The following CARD18 variants were observed in gnomAD, a reference collection of about 807,000 sequenced individuals.
The protein encoded by CARD18 is caspase recruitment domain family member 18.
Under a neutral mutation model 7.9 loss-of-function variants are expected in CARD18, and 7 were observed. The observed-to-expected ratio is 0.88, with a 90% CI of 0.50 to 1.66. The LOEUF (loss-of-function observed/expected upper bound fraction) is 1.66, where lower values mean the gene tolerates loss of function less well. CARD18 is among the 40% of genes most tolerant of loss of function. The probability of loss-of-function intolerance (pLI) is 0.00; values close to 1 mark genes in which losing one functional copy is unlikely to be tolerated. For missense variants in CARD18, 134 were observed against 105.5 expected (o/e 1.27, Z -1.18); for synonymous variants, 34 against 34.8 (o/e 0.98, Z 0.08).
rs1356237915 is a variant in CARD18 at position 105,139,073 on chromosome 11, G to T, written c.13C>A (p.Leu5Ile). MADQ[L>I]LRKKRRIFIH... is the part of the protein sequence containing the mutation. ...AAAATTCTTCTCTTTTTACGCAAGA[G>T]TTGGTCTGTTGGAAGCACAAAGATT... Residue 5 changes from leucine (L) to isoleucine (I), a missense_variant, in exon 2 of 3, where the codon CTC (leucine) becomes ATC (isoleucine). By Grantham distance (5) the Leu-to-Ile change is conservative. Coordinates refer to ENST00000530950, the MANE Select transcript of CARD18 (RefSeq NM_021571.4). 1 of 1,611,988 alleles carries T rather than the reference G, an allele frequency of 6.2e-7. No homozygotes were observed. The highest frequency in any genetic ancestry group is 8.5e-7 in the Non-Finnish European group (1 of 1,178,868).
chr11:105,138,722 T>A, intron 2 of CARD18, 90 bp downstream of exon 2: 1 of 1,403,290 alleles, frequency 7.1e-7, no homozygotes, highest in East Asian at 2.3e-5. Context: ...AGGAACCCTA[T>A]TATCAACTGA....
chr11:105,137,746 C>T lies in CARD18; in HGVS notation c.*354G>A, dbSNP rs548989655. 2.6e-5 allele frequency: 4 copies of T among 152,206 alleles called. No homozygotes were observed. In the East Asian group the frequency reaches 7.7e-4, roughly 29 times the overall value. The allele number at this position is 152,206 out of a possible 1,614,324, so 9.4% of individuals were successfully genotyped here. On this transcript the variant is annotated 3_prime_UTR_variant, in exon 3 of 3. Transcript: ENST00000530950. ...TTCTGAGCTGGGACTTCATTTTATT[C>T]CCATCACAGCAGACTCTCAGTGCTA...
Position 105,138,952 on chromosome 11 carries a change from T to G in CARD18, c.134A>C (p.Asp45Ala). Reference sequence around the variant, plus strand: ...CTTATCCATGACAGTGTCATTTTCATCTCTCACTTTGTTCATGTCTTCCTG... The same window carrying G: ...CTTATCCATGACAGTGTCATTTTCAGCTCTCACTTTGTTCATGTCTTCCTG... ...ISQEDMNKVR[D>A]ENDTVMDKAR... The change falls in exon 2 of 3, where the codon GAT becomes GCT. Residue 45 changes from aspartate to alanine, a missense_variant. Coordinates refer to ENST00000530950, the MANE Select transcript of CARD18 (RefSeq NM_021571.4). The G allele has an allele frequency of 6.2e-7, 1 of 1,613,764 alleles. No homozygotes were observed. The highest frequency in any genetic ancestry group is 8.5e-7 in the Non-Finnish European group (1 of 1,179,742).
In CARD18 at chr11:105,139,072, AGTTGGTCT is replaced by A; in HGVS notation, c.8-2_13del. The A allele has an allele frequency of 6.2e-7, 1 of 1,612,510 alleles. No individual in the cohort carries two copies. Among genetic ancestry groups the A allele is most frequent in the Non-Finnish European group, 8.5e-7 (1 of 1,179,138 alleles). On this transcript the variant is annotated splice_acceptor_variant and coding_sequence_variant, in exon 2 of 3. Transcript: ENST00000530950. LOFTEE classifies it high-confidence loss of function. The stretch of plus-strand genomic sequence containing the variant: ...AAAAATTCTTCTCTTTTTACGCAAG[AGTTGGTCT>A]GTTGGAAGCACAAAGATTCCTCAAA...
chr11:105,138,924 A>G lies in CARD18; in HGVS notation c.162T>C (p.Ala54=). ...RDENDTVMDK[A]RVLIDLVTGK... is the part of the protein sequence containing the mutation. ...CAGTAACAAGGTCAATCAAGACTCG[A>G]GCCTTATCCATGACAGTGTCATTTT... Residue 54 remains alanine, a synonymous_variant, in exon 2 of 3, where the codon GCT becomes GCC. Transcript: ENST00000530950. The G allele has an allele frequency of 6.2e-7, 1 of 1,613,796 alleles. No individual in the cohort carries two copies. The highest frequency in any genetic ancestry group is 8.5e-7 in the Non-Finnish European group (1 of 1,179,762).
At chr11:105,139,326 A>G in intron 1 of CARD18, 1 of 562,184 alleles carries the variant, frequency 1.8e-6, no homozygotes. Context: ...ATCAGAAGTC[A>G]TTCTATTCTG....
In CARD18 at chr11:105,138,908, G is replaced by A. The variant is rs767588145; in HGVS notation, c.178C>T (p.Leu60Phe). The A allele has an allele frequency of 2.3e-5, 37 of 1,613,562 alleles. No homozygotes were observed. Among genetic ancestry groups the A allele is most frequent in the Non-Finnish European group, 3.1e-5 (36 of 1,179,724 alleles). ...VMDKARVLIDLVTGKGPKSCC... is the reference protein window; with the variant it reads ...VMDKARVLIDFVTGKGPKSCC... ...GACTTGGGTCCTTTTCCAGTAACAA[G>A]GTCAATCAAGACTCGAGCCTTATCC... Residue 60 changes from leucine (L) to phenylalanine (F), a missense_variant, in exon 2 of 3, where the codon CTT (leucine) becomes TTT (phenylalanine). Leu to Phe is a conservative substitution (Grantham distance 22, BLOSUM62 0). Coordinates refer to ENST00000530950, the MANE Select transcript of CARD18 (RefSeq NM_021571.4).
At chr11:105,139,674 A>C (rs775582617) in intron 1 of CARD18, 46 bp downstream of exon 1, 6 of 1,596,336 alleles carry the variant, frequency 3.8e-6, no homozygotes, top group Middle Eastern at 1.7e-4. Flanking sequence ...TCCTTTCCCA[A>C]ACTAATTCCT....
intron 1 of CARD18, 68 bp from the exon 2 acceptor site, chr11:105,139,146 G>A: frequency 6.6e-7 from 1 of 1,510,134 alleles, no homozygotes; most frequent in Non-Finnish European, 9.0e-7. Flanking sequence ...TTACCAACAG[G>A]GTAACAATCA....
rs142052235 is a variant in CARD18 at position 105,139,268 on chromosome 11, G to A, written c.8-190C>T. The A allele has an allele frequency of 1.2e-3, 749 of 615,514 alleles. 2 individuals carry two copies. Among genetic ancestry groups the A allele is most frequent in the Non-Finnish European group, 1.7e-3 (621 of 364,780 alleles). The allele number at this position is 615,514 out of a possible 1,614,324, so 38.1% of individuals were successfully genotyped here. On this transcript the variant is annotated intron_variant, in intron 1 of 2. Coordinates refer to ENST00000530950, the MANE Select transcript of CARD18 (RefSeq NM_021571.4). ...AGCATTACCTACATATGCTCACTGA[G>A]TGACCTGGGAAACTTGACTTCATGA... is the stretch of plus-strand genomic sequence containing the variant.
At position 105,138,959 on chromosome 11, in the gene CARD18, C is replaced by A; in HGVS notation, c.127G>T (p.Val43Leu). 6.2e-7 allele frequency: 1 copy of A among 1,613,752 alleles called. No individual in the cohort carries two copies. Among genetic ancestry groups the A allele is most frequent in the Middle Eastern group, 1.6e-4 (1 of 6,062 alleles). ...ATGACAGTGTCATTTTCATCTCTCA[C>A]TTTGTTCATGTCTTCCTGGCTAATA... ...EVISQEDMNK[V>L]RDENDTVMDK... is the part of the protein sequence containing the mutation. The change falls in exon 2 of 3, where the codon GTG (valine) becomes TTG (leucine). Residue 43 changes from valine to leucine, a missense_variant. By Grantham distance (32) the Val-to-Leu change is conservative (BLOSUM62 1). Transcript: ENST00000530950.
At position 105,138,799 on chromosome 11, in the gene CARD18, C is replaced by A. The variant is rs1468811081; in HGVS notation, c.*1+13G>T. 17 of 1,612,052 alleles carry A rather than the reference C, an allele frequency of 1.1e-5. No individual in the cohort carries two copies. Among genetic ancestry groups the A allele is most frequent in the South Asian group, 2.2e-5 (2 of 90,984 alleles). The stretch of plus-strand genomic sequence containing the variant: ...GGCCTATTTGGACATTAGGTTGAAT[C>A]ATTCCACCTTACCTTAGTGCAAACC... On this transcript the variant is annotated intron_variant, in intron 2 of 2. Transcript: ENST00000530950.
chr11:105,137,916 G>A lies in CARD18; in HGVS notation c.*184C>T, dbSNP rs1384919244. 1 of 152,090 alleles carries A rather than the reference G, an allele frequency of 6.6e-6. No homozygotes were observed. Among genetic ancestry groups the A allele is most frequent in the African/African-American group, 2.4e-5 (1 of 41,416 alleles). 9.4% of individuals were successfully genotyped at this position (152,090 alleles called of 1,614,324 possible). A position where few individuals can be genotyped will look rare whatever the true frequency, so the allele number is the denominator to read the frequency against. On this transcript the variant is annotated 3_prime_UTR_variant, in exon 3 of 3. Transcript: ENST00000530950. ...GATGAATTATCCTCTGTTGGTATGA[G>A]GAGAGAAAGAATAAGAAGAAAGTAA...
Position 105,138,719 on chromosome 11 carries a change from C to G in CARD18, c.*1+93G>C. On this transcript the variant is annotated intron_variant, in intron 2 of 2. Coordinates refer to ENST00000530950, the MANE Select transcript of CARD18 (RefSeq NM_021571.4). The stretch of plus-strand genomic sequence containing the variant: ...GTCTGAGGCTAAAATGATAGGAACC[C>G]TATTATCAACTGACAAGACAAGTGA... 3 of 1,367,146 alleles carry G rather than the reference C, an allele frequency of 2.2e-6. No homozygotes were observed. In the South Asian group the frequency reaches 4.0e-5, roughly 18 times the overall value. The allele number at this position is 1,367,146 out of a possible 1,614,324, so 84.7% of individuals were successfully genotyped here. A position where few individuals can be genotyped will look rare whatever the true frequency, so the allele number is the denominator to read the frequency against.
intron 1 of CARD18, 124 bp downstream of exon 1, chr11:105,139,596 C>A: frequency 9.6e-7 from 1 of 1,043,540 alleles, no homozygotes; most frequent in East Asian, 2.4e-5. Flanking sequence ...CTGCCTCTCC[C>A]TTCTTCTTTC....
chr11:105,139,401 C>T, intron 1 of CARD18: 2 of 537,022 alleles, frequency 3.7e-6, no homozygotes, highest in Non-Finnish European at 6.6e-6. Flanking sequence ...AGGGAATTGA[C>T]TGTTTCCTTT....
chr11:105,138,090 A>G lies in CARD18; in HGVS notation c.*10T>C, dbSNP rs954465984. 1.3e-5 allele frequency: 2 copies of G among 152,048 alleles called. No individual in the cohort carries two copies. Among genetic ancestry groups the G allele is most frequent in the Admixed American group, 6.6e-5 (1 of 15,234 alleles). The allele number at this position is 152,048 out of a possible 1,614,324, so 9.4% of individuals were successfully genotyped here. ...AGTCTCTGAAGTGCTCCAGAGTTCC[A>G]TCTTCTCTCTGTGGAGGGAGAAAAG... On this transcript the variant is annotated 3_prime_UTR_variant, in exon 3 of 3. Coordinates refer to ENST00000530950, the MANE Select transcript of CARD18 (RefSeq NM_021571.4).
intron 1 of CARD18, 118 bp from the exon 2 acceptor site, chr11:105,139,196 A>G: frequency 8.9e-7 from 1 of 1,122,456 alleles, no homozygotes; most frequent in South Asian, 1.5e-5. Context: ...ATCCCAAGGA[A>G]CGGTCTTATA....
At chr11:105,138,615 G>C (rs1224582114) in intron 2 of CARD18, among the ~76,000 whole-genome samples, 197 bp downstream of exon 2, 1 of 152,106 alleles carries the variant, frequency 6.6e-6, no homozygotes, top group South Asian at 2.1e-4. Context: ...TCAGCAGGGA[G>C]TACTGAGAGA....
Sources: allele counts gnomAD v4.1 joint callset (sites outside exome capture counted in the v4.1 genomes callset), GRCh38; gene constraint gnomAD v4.1.1; transcripts MANE v1.5; gene names NCBI Gene and HGNC (gene_info 2026-07-23, HGNC 2026-07-21).